HERC6: variants seen among roughly 807,000 people sequenced by gnomAD.
HERC6 encodes the protein HECT and RLD domain containing E3 ubiquitin protein ligase family member 6.
A neutral mutation model predicts 114.5 loss-of-function variants in HERC6; 101 were observed. That is an observed-to-expected ratio of 0.88 (90% CI 0.75 to 1.04). The LOEUF is 1.04. HERC6 is among the 50% of genes least tolerant of loss of function. The probability of loss-of-function intolerance (pLI) is 0.00; values close to 1 mark genes in which losing one functional copy is unlikely to be tolerated. For synonymous variants in HERC6, 408 were observed against 436.2 expected, an observed-to-expected ratio of 0.94 and a Z score of 0.81; for missense variants, 1,133 against 1,230.9, an observed-to-expected ratio of 0.92 and a Z score of 1.19.
intron 11 of HERC6, among the ~76,000 whole-genome samples, chr4:88,410,020 A>G (rs1736008010): frequency 6.6e-6 from 1 of 152,308 alleles, no homozygotes; most frequent in African/African-American, 2.4e-5. Context: ...TGGTTAATAG[A>G]TGACCATATT....
At chr4:88,402,432 G>A (rs1735595732) in intron 8 of HERC6, among the ~76,000 whole-genome samples, 1 of 152,114 alleles carries the variant, frequency 6.6e-6, no homozygotes, top group South Asian at 2.1e-4. Flanking sequence ...ACATCCTATG[G>A]TACACAGGAC....
intron 11 of HERC6, among the ~76,000 whole-genome samples, chr4:88,412,315 T>C (rs1467404709): frequency 6.6e-6 from 1 of 152,192 alleles, no homozygotes; most frequent in Admixed American, 6.5e-5. Flanking sequence ...TTTTAAAAGT[T>C]TACTTCTGGG....
intron 11 of HERC6, among the ~76,000 whole-genome samples, chr4:88,410,601 C>T (rs970109437): frequency 2.0e-5 from 3 of 152,130 alleles, no homozygotes; most frequent in African/African-American, 7.2e-5. Context: ...CCAAAGGCCC[C>T]ACCTCTTAAT....
intron 13 of HERC6, among the ~76,000 whole-genome samples, chr4:88,423,071 T>C (rs1273510880): frequency 6.6e-6 from 1 of 151,526 alleles, no homozygotes; most frequent in East Asian, 1.9e-4. Context: ...TTTTTTTTTG[T>C]TTTTTTTAAA....
At chr4:88,418,991 G>T (rs1736776981) in intron 13 of HERC6, among the ~76,000 whole-genome samples, 1 of 152,182 alleles carries the variant, frequency 6.6e-6, no homozygotes. Flanking sequence ...CTCCCAAAAT[G>T]CTGGGATTAT....
intron 1 of HERC6, 94 bp downstream of exon 1, chr4:88,379,214 T>G (rs1187882343): frequency 2.8e-6 from 3 of 1,074,918 alleles, no homozygotes; most frequent in Non-Finnish European, 3.8e-6. Flanking sequence ...TGCGGAGCGC[T>G]GGGACCCGGG....
intron 22 of HERC6, among the ~76,000 whole-genome samples, chr4:88,441,916 C>G (rs960802082): frequency 6.6e-6 from 1 of 152,184 alleles, no homozygotes; most frequent in Admixed American, 6.5e-5. Flanking sequence ...TGTGAAGTCT[C>G]TCTGACCACT....
chr4:88,407,748 GC>G (rs1735883424), intron 10 of HERC6, among the ~76,000 whole-genome samples: 1 of 152,110 alleles, frequency 6.6e-6, no homozygotes, highest in Non-Finnish European at 1.5e-5. Flanking sequence ...AAATGGTTAG[GC>G]TTATTGAATG....
In HERC6 at chr4:88,442,481, G is replaced by A; in HGVS notation, c.*21G>A. On this transcript the variant is annotated 3_prime_UTR_variant, in exon 23 of 23. Coordinates refer to ENST00000264346, the MANE Select transcript of HERC6 (RefSeq NM_017912.4). ...CATAATCACCTCTGAGAGACTCAGG[G>A]TGGGCTTTCTCACACTTGGATCCTT... 1.3e-6 allele frequency: 2 copies of A among 1,577,784 alleles called. No homozygotes were observed. Among genetic ancestry groups the A allele is most frequent in the Non-Finnish European group, 8.7e-7 (1 of 1,149,388 alleles).
chr4:88,426,840 C>A (rs980477169), intron 15 of HERC6, among the ~76,000 whole-genome samples: 1 of 152,212 alleles, frequency 6.6e-6, no homozygotes, highest in Non-Finnish European at 1.5e-5. Context: ...GTCATCTCTT[C>A]TTTTATTTCT....
rs1560527663 is a variant in HERC6 at position 88,379,637 on chromosome 4, A to AT, written c.199+517_199+518insT. Among the ~76,000 whole-genome samples, 211 of 119,718 alleles carry AT rather than the reference A, an allele frequency of 1.8e-3. 9 individuals carry two copies. The Admixed American group carries it at 0.022, about 12-fold the overall frequency. 78.5% of individuals were successfully genotyped at this position (119,718 alleles called of 152,430 possible). On this transcript the variant is annotated intron_variant, in intron 1 of 22. Transcript: ENST00000264346. The stretch of plus-strand genomic sequence containing the variant: ...GGGCATTAAAAAATATATATATATA[A>AT]AAATATATATATAAAATATATAAAT...
rs142058374 is a variant in HERC6 at position 88,381,554 on chromosome 4, C to CT, written c.200-1645dup. Among the ~76,000 whole-genome samples the CT allele has an allele frequency of 7.4e-3, 708 of 95,758 alleles. 7 individuals are homozygous for CT. Among genetic ancestry groups the CT allele is most frequent in the African/African-American group, 0.019 (422 of 22,490 alleles). The allele number at this position is 95,758 out of a possible 152,430, so 62.8% of individuals were successfully genotyped here. A position where few individuals can be genotyped will look rare whatever the true frequency, so the allele number is the denominator to read the frequency against. Reference sequence around the variant, plus strand: ...CTTCATCTTAGGTGACCCTTCTCTTCTTTTTTTTTTTTTTTTTTTTTTGAG... The same window carrying CT: ...CTTCATCTTAGGTGACCCTTCTCTTCTTTTTTTTTTTTTTTTTTTTTTTGAG... On this transcript the variant is annotated intron_variant, in intron 1 of 22. Coordinates refer to ENST00000264346, the MANE Select transcript of HERC6 (RefSeq NM_017912.4).
intron 8 of HERC6, among the ~76,000 whole-genome samples, chr4:88,401,489 T>TTAAA (rs1560542719): frequency 8.7e-6 from 1 of 114,840 alleles, no homozygotes; most frequent in African/African-American, 3.4e-5. Context: ...AGACTCCATC[T>TTAAA]CAAAAAAAAA....
At chr4:88,441,020 G>C (rs1739297130) in intron 22 of HERC6, among the ~76,000 whole-genome samples, 1 of 152,022 alleles carries the variant, frequency 6.6e-6, no homozygotes, top group Non-Finnish European at 1.5e-5. Flanking sequence ...TTCTAGACCA[G>C]CATTCTTTCT....
intron 8 of HERC6, among the ~76,000 whole-genome samples, chr4:88,401,585 G>A (rs140367882): frequency 2.6e-5 from 4 of 152,102 alleles, no homozygotes; most frequent in African/African-American, 9.7e-5. Context: ...AATCTAACGC[G>A]TGATTGAGGG....
intron 3 of HERC6, among the ~76,000 whole-genome samples, chr4:88,389,242 G>C (rs760033896): frequency 1.8e-4 from 27 of 152,220 alleles, no homozygotes; most frequent in Admixed American, 4.6e-4. Flanking sequence ...TCCGGGAAGT[G>C]GGGGTGGGCC....
chr4:88,425,567 A>T (rs532395403), intron 15 of HERC6, among the ~76,000 whole-genome samples: 2 of 152,276 alleles, frequency 1.3e-5, no homozygotes, highest in Non-Finnish European at 2.9e-5. Flanking sequence ...AGCTTGATTT[A>T]TAAGCTCCGA....
chr4:88,385,228 A>C (rs937674551), intron 2 of HERC6, among the ~76,000 whole-genome samples: 2 of 152,224 alleles, frequency 1.3e-5, no homozygotes, highest in African/African-American at 2.4e-5. Flanking sequence ...TGTAGAATAA[A>C]ATTAGTATAT....
rs777432058 is a variant in HERC6 at position 88,378,964 on chromosome 4, C to A, written c.43C>A (p.Arg15=). 6.3e-7 allele frequency: 1 copy of A among 1,591,664 alleles called. No individual in the cohort carries two copies. Among genetic ancestry groups the A allele is most frequent in the African/African-American group, 1.3e-5 (1 of 74,662 alleles). The change falls in exon 1 of 23, where the codon CGG becomes AGG. Residue 15 remains arginine, a synonymous_variant. Coordinates refer to ENST00000264346, the MANE Select transcript of HERC6 (RefSeq NM_017912.4). ...CGCCGACTCCAGGGAGCTGCAGCGCCGGAGGACGGCGGGCAGCCCCGGGGC... is the reference window on the plus strand; with the variant it reads ...CGCCGACTCCAGGGAGCTGCAGCGCAGGAGGACGGCGGGCAGCCCCGGGGC... ...WGADSRELQR[R]RTAGSPGAEL...
Sources: allele counts gnomAD v4.1 joint callset (sites outside exome capture counted in the v4.1 genomes callset), GRCh38; gene constraint gnomAD v4.1.1; transcripts MANE v1.5; gene names NCBI Gene and HGNC (gene_info 2026-07-23, HGNC 2026-07-21).